The following CNTLN variants were observed in gnomAD, a reference collection of about 807,000 sequenced individuals.
CNTLN encodes the protein centlein, centrosomal protein.
A neutral mutation model predicts 180.0 loss-of-function variants in CNTLN; 212 were observed. The observed-to-expected ratio is 1.18, with a 90% confidence interval of 1.05 to 1.32. The LOEUF is 1.32. CNTLN is among the 40% of genes most tolerant of loss of function. CNTLN has a pLI of 0.00. For missense variants in CNTLN, 2,095 were observed against 1,610.9 expected, an observed-to-expected ratio of 1.30 and a Z score of -5.14; for synonymous variants, 722 against 563.1, an observed-to-expected ratio of 1.28 and a Z score of -3.99.
chr9:17,136,454 C>T (rs1171173824), intron 1 of CNTLN, among the ~76,000 whole-genome samples: 1 of 152,146 alleles, frequency 6.6e-6, no homozygotes, highest in Non-Finnish European at 1.5e-5. Context: ...CTCAGCCTCC[C>T]GAATAGCTGG....
At chr9:17,363,589 T>G (rs1823579024) in intron 12 of CNTLN, among the ~76,000 whole-genome samples, 1 of 151,828 alleles carries the variant, frequency 6.6e-6, no homozygotes, top group South Asian at 2.1e-4. Flanking sequence ...AATTATAACA[T>G]ACATCATTTA....
At chr9:17,411,880 A>C (rs763190241) in intron 16 of CNTLN, among the ~76,000 whole-genome samples, 1 of 151,944 alleles carries the variant, frequency 6.6e-6, no homozygotes, top group Non-Finnish European at 1.5e-5. Flanking sequence ...CCTCCTTTCC[A>C]TGTCATTGGA....
Position 17,298,204 on chromosome 9 carries a change from A to G in CNTLN, c.998A>G (p.Glu333Gly). Residue 333 changes from glutamate to glycine, a missense_variant, in exon 7 of 26, where the codon GAG (glutamate) becomes GGG (glycine). Coordinates refer to ENST00000380647, the MANE Select transcript of CNTLN (RefSeq NM_017738.4). Reference sequence around the variant, plus strand: ...GCTTTGCACAGGAAGGAACTGCAGGAGCTGCAGAATCTTTACAAACAGAAC... The same window carrying G: ...GCTTTGCACAGGAAGGAACTGCAGGGGCTGCAGAATCTTTACAAACAGAAC... ...DITLVRKELQ[E>G]LQNLYKQNST... is the part of the protein sequence containing the mutation. 2.0e-6 allele frequency: 3 copies of G among 1,527,004 alleles called. No individual in the cohort carries two copies. The highest frequency in any genetic ancestry group is 2.6e-6 in the Non-Finnish European group (3 of 1,138,622). The allele number at this position is 1,527,004 out of a possible 1,614,324, so 94.6% of individuals were successfully genotyped here. A position where few individuals can be genotyped will look rare whatever the true frequency, so the allele number is the denominator to read the frequency against.
At chr9:17,500,710 C>T (rs1028753797) in intron 25 of CNTLN, among the ~76,000 whole-genome samples, 5 of 152,206 alleles carry the variant, frequency 3.3e-5, no homozygotes, top group Non-Finnish European at 5.9e-5. Context: ...TGAAACACTT[C>T]TGCCTTGTTT....
In CNTLN at chr9:17,330,857, G is replaced by T. The variant is rs1475120682; in HGVS notation, c.1518+49G>T. Reference sequence around the variant, plus strand: ...GAATTTGCCAGGATGAGGCTGGAAAGACAAGAGATGAAGTTAAAAAACAAA... The same window carrying T: ...GAATTTGCCAGGATGAGGCTGGAAATACAAGAGATGAAGTTAAAAAACAAA... On this transcript the variant is annotated intron_variant, in intron 9 of 25. Coordinates refer to ENST00000380647, the MANE Select transcript of CNTLN (RefSeq NM_017738.4). The T allele has an allele frequency of 1.7e-5, 26 of 1,507,384 alleles. No homozygotes were observed. The East Asian group carries it at 5.7e-4, about 33-fold the overall frequency. 93.4% of individuals were successfully genotyped at this position (1,507,384 alleles called of 1,614,324 possible).
chr9:17,450,777 A>AT (rs1285513217), intron 18 of CNTLN, among the ~76,000 whole-genome samples: 1 of 152,086 alleles, frequency 6.6e-6, no homozygotes, highest in Non-Finnish European at 1.5e-5. Context: ...AACTCAGTGG[A>AT]TTTTTCAGAA....
chr9:17,367,571 C>T (rs1206071914), intron 13 of CNTLN, among the ~76,000 whole-genome samples: 3 of 152,100 alleles, frequency 2.0e-5, no homozygotes, highest in Non-Finnish European at 2.9e-5. Flanking sequence ...CAGCTCATGG[C>T]TCTGAAAGGA....
intron 6 of CNTLN, among the ~76,000 whole-genome samples, chr9:17,277,065 A>G (rs184835316): frequency 1.3e-5 from 1 of 75,618 alleles, no homozygotes; most frequent in East Asian, 4.3e-4. Flanking sequence ...CCTGATGGTA[A>G]TGATGGAGCT....
chr9:17,466,727 G>A lies in CNTLN; in HGVS notation c.3691G>A (p.Val1231Ile), dbSNP rs1457695479. ...EKKDLKLTLL[V>I]SRISETESAM... ...GCAGGATCTCAAGCTTACTCTCCTA[G>A]TATCAAGAATAAGTGAGACTGAATC... The change falls in exon 23 of 26, where the codon GTA becomes ATA. Residue 1231 changes from valine to isoleucine, a missense_variant. Coordinates refer to ENST00000380647, the MANE Select transcript of CNTLN (RefSeq NM_017738.4). 11 of 1,609,304 alleles carry A rather than the reference G, an allele frequency of 6.8e-6. No homozygotes were observed. The highest frequency in any genetic ancestry group is 8.5e-6 in the Non-Finnish European group (10 of 1,177,212).
chr9:17,159,677 CAGG>C (rs1348036559), intron 2 of CNTLN, among the ~76,000 whole-genome samples: 1 of 152,112 alleles, frequency 6.6e-6, no homozygotes, highest in East Asian at 1.9e-4. Context: ...CAACTGGGAA[CAGG>C]AGGAAGAGGG....
At chr9:17,506,690 C>G (rs1833937761), downstream of CNTLN, among the ~76,000 whole-genome samples, 1 of 151,508 alleles carries the variant, frequency 6.6e-6, no homozygotes, top group Non-Finnish European at 1.5e-5. Context: ...AAATTTGTAG[C>G]CACAACAAGA....
At chr9:17,218,789 T>A (rs1823935286) in intron 2 of CNTLN, among the ~76,000 whole-genome samples, 1 of 152,198 alleles carries the variant, frequency 6.6e-6, no homozygotes, top group East Asian at 1.9e-4. Flanking sequence ...CAGACCAATA[T>A]CACTGCCTCA....
chr9:17,416,168 G>T lies in CNTLN; in HGVS notation c.3093G>T (p.Gln1031His). ...AGCAAGTATCCGATCAACGATTTCAGACAAGCAGGCAGACAATAAAGGTAA... is the reference window on the plus strand; with the variant it reads ...AGCAAGTATCCGATCAACGATTTCATACAAGCAGGCAGACAATAAAGGTAA... The part of the protein sequence containing the change: ...HQQQVSDQRF[Q>H]TSRQTIKKLN... The change falls in exon 18 of 26, where the codon CAG becomes CAT. Residue 1031 changes from glutamine to histidine, a missense_variant. Physicochemically the swap from Gln to His is conservative, Grantham distance 24 (BLOSUM62 0). Coordinates refer to ENST00000380647, the MANE Select transcript of CNTLN (RefSeq NM_017738.4). 1 of 1,613,078 alleles carries T rather than the reference G, an allele frequency of 6.2e-7. No individual in the cohort carries two copies. The highest frequency in any genetic ancestry group is 1.1e-5 in the South Asian group (1 of 90,914).
rs76483547 is a variant in CNTLN at position 17,184,026 on chromosome 9, T to C, written c.449+40650T>C. 3.0e-3 allele frequency among the ~76,000 whole-genome samples: 459 copies of C among 152,282 alleles called. 6 individuals are homozygous for C. Among genetic ancestry groups the C allele is most frequent in the Middle Eastern group, 0.01 (3 of 294 alleles). ...ATAGTGAGCTTTTTGAAGTTTCACA[T>C]TGAGGTCATGAGATAACCTGATTTA... On this transcript the variant is annotated intron_variant, in intron 2 of 25. Transcript: ENST00000380647.
chr9:17,352,822 G>A (rs377425930), intron 12 of CNTLN, among the ~76,000 whole-genome samples: 1 of 152,060 alleles, frequency 6.6e-6, no homozygotes, highest in Admixed American at 6.5e-5. Flanking sequence ...TGTGACCTTT[G>A]TGTCTGGCTT....
intron 2 of CNTLN, among the ~76,000 whole-genome samples, chr9:17,185,939 C>T (rs1213200292): frequency 5.3e-5 from 8 of 151,906 alleles, no homozygotes; most frequent in South Asian, 2.1e-4. Flanking sequence ...ACTATAGGCG[C>T]GCACCACCAC....
chr9:17,184,941 TCA>T (rs1008971763), intron 2 of CNTLN, among the ~76,000 whole-genome samples: 6 of 152,214 alleles, frequency 3.9e-5, no homozygotes, highest in Non-Finnish European at 7.3e-5. Context: ...GTATTTAAAC[TCA>T]CAGTGTATTT....
chr9:17,220,193 C>T (rs1485309574), intron 2 of CNTLN, among the ~76,000 whole-genome samples: 1 of 152,022 alleles, frequency 6.6e-6, no homozygotes, highest in Non-Finnish European at 1.5e-5. Context: ...ACTAGTTAGA[C>T]TGTGAGTATG....
intron 7 of CNTLN, among the ~76,000 whole-genome samples, chr9:17,307,046 G>A (rs905225015): frequency 2.0e-5 from 3 of 152,086 alleles, no homozygotes; most frequent in Admixed American, 6.6e-5. Context: ...AAGCTGTCAG[G>A]TTCCTACTCT....
Sources: allele counts gnomAD v4.1 joint callset (sites outside exome capture counted in the v4.1 genomes callset), GRCh38; gene constraint gnomAD v4.1.1; transcripts MANE v1.5; gene names NCBI Gene and HGNC (gene_info 2026-07-23, HGNC 2026-07-21).